Variants in B4GALT4 observed in about 807,000 individuals in gnomAD.
B4GALT4 encodes the protein beta-1,4-galactosyltransferase 4.
Under a neutral mutation model 37.3 loss-of-function variants are expected in B4GALT4, and 27 were observed. That is an observed-to-expected ratio of 0.72 (90% CI 0.53 to 1.00). The LOEUF (loss-of-function observed/expected upper bound fraction) is 1.00, where lower values mean the gene tolerates loss of function less well. Ranked by LOEUF, B4GALT4 falls within the 50% of genes least tolerant of loss-of-function variation. B4GALT4 has a pLI of 0.00. For synonymous variants in B4GALT4, 148 were observed against 154.1 expected, an observed-to-expected ratio of 0.96 and a Z score of 0.29; for missense variants, 372 against 413.1, an observed-to-expected ratio of 0.90 and a Z score of 0.86.
intron 1 of B4GALT4, among the ~76,000 whole-genome samples, chr3:119,238,183 C>G (rs549121808): frequency 3.0e-4 from 46 of 151,374 alleles, no homozygotes; most frequent in Non-Finnish European, 4.0e-4. Context: ...AGGAGGATCA[C>G]CTGAACCCGG....
chr3:119,238,264 A>T (rs975654108), intron 1 of B4GALT4, among the ~76,000 whole-genome samples: 1 of 37,456 alleles, frequency 2.7e-5, no homozygotes, highest in African/African-American at 6.7e-5. Flanking sequence ...CCCTGTCTCT[A>T]AAAAAAAAAA....
At chr3:119,214,136 A>C (rs2107454963) in intron 7 of B4GALT4, 1 of 152,310 alleles carries the variant, frequency 6.6e-6, no homozygotes, top group South Asian at 2.1e-4. Context: ...CTGAGCTTGG[A>C]GGATTGCTTG....
At chr3:119,237,606 C>T (rs186160592) in intron 1 of B4GALT4, among the ~76,000 whole-genome samples, 61 of 152,268 alleles carry the variant, frequency 4.0e-4, no homozygotes, top group Middle Eastern at 3.4e-3. Flanking sequence ...AGTTTGAGAA[C>T]CACTGATATA....
At chr3:119,217,765 C>G (rs2078331588) in intron 6 of B4GALT4, among the ~76,000 whole-genome samples, 1 of 148,816 alleles carries the variant, frequency 6.7e-6, no homozygotes, top group Non-Finnish European at 1.5e-5. Context: ...ATCACTCAAA[C>G]CCGGGAGGCA....
intron 5 of B4GALT4, among the ~76,000 whole-genome samples, chr3:119,219,984 T>C (rs2078402605): frequency 6.6e-6 from 1 of 151,520 alleles, no homozygotes. Context: ...CCAAAAGGAG[T>C]GATCAATAAA....
rs760493860 is a variant in B4GALT4 at position 119,212,690 on chromosome 3, A to G, written c.903-9T>C. On this transcript the variant is annotated splice_polypyrimidine_tract_variant and intron_variant, in intron 7 of 7. Coordinates refer to ENST00000393765, the MANE Select transcript of B4GALT4 (RefSeq NM_003778.4). ...GGTGTAAGAGCTTCATCCTAAAGATAAAAAGAACAAATGTGAATGATAAGA... is the reference window on the plus strand; with the variant it reads ...GGTGTAAGAGCTTCATCCTAAAGATGAAAAGAACAAATGTGAATGATAAGA... The G allele has an allele frequency of 2.4e-5, 38 of 1,582,190 alleles. No individual in the cohort carries two copies. The East Asian group carries it at 8.1e-4, about 34-fold the overall frequency.
In B4GALT4 at chr3:119,230,052, C is replaced by T. The variant is rs898744501; in HGVS notation, c.48G>A (p.Leu16=). ...CTGTCAGGCACAAAGTCAACAGCAACAGTAATCGGAATTTGTAGGAAAGGT... is the reference window on the plus strand; with the variant it reads ...CTGTCAGGCACAAAGTCAACAGCAATAGTAATCGGAATTTGTAGGAAAGGT... The part of the protein sequence containing the change: ...TFHLSYKFRL[L]LLLTLCLTVV... The change falls in exon 3 of 8, where the codon CTG becomes CTA. Residue 16 remains leucine (L), a synonymous_variant. Transcript: ENST00000393765. 1 of 1,614,016 alleles carries T rather than the reference C, an allele frequency of 6.2e-7. No homozygotes were observed. The highest frequency in any genetic ancestry group is 1.3e-5 in the African/African-American group (1 of 74,896).
At chr3:119,216,386 A>T (rs1189360191) in intron 6 of B4GALT4, 42 bp from the exon 7 acceptor site, 1 of 1,521,576 alleles carries the variant, frequency 6.6e-7, no homozygotes, top group East Asian at 2.3e-5. Context: ...CATCCTATTT[A>T]TCTACCACTA....
chr3:119,212,422 A>G lies in B4GALT4; in HGVS notation c.*127T>C. 1.0e-6 allele frequency: 1 copy of G among 985,224 alleles called. No individual in the cohort carries two copies. Among genetic ancestry groups the G allele is most frequent in the Non-Finnish European group, 1.5e-6 (1 of 673,050 alleles). The allele number at this position is 985,224 out of a possible 1,614,324, so 61.0% of individuals were successfully genotyped here. On this transcript the variant is annotated 3_prime_UTR_variant, in exon 8 of 8. Transcript: ENST00000393765. ...AGGAGCTCTGCTAAGAAAATACAAA[A>G]AGGAAAAATTCAGCTCAACAATGAG...
intron 5 of B4GALT4, among the ~76,000 whole-genome samples, chr3:119,223,322 C>G (rs1470221089): frequency 6.6e-6 from 1 of 152,232 alleles, no homozygotes; most frequent in Non-Finnish European, 1.5e-5. Context: ...CACCCATGAA[C>G]AGCAGGGCCT....
At chr3:119,229,056 T>C (rs910926566) in intron 3 of B4GALT4, among the ~76,000 whole-genome samples, 3 of 152,202 alleles carry the variant, frequency 2.0e-5, no homozygotes, top group Admixed American at 1.3e-4. Context: ...ACATACAACA[T>C]ATTTAAGAAA....
chr3:119,219,066 G>C (rs1374390509), intron 5 of B4GALT4, among the ~76,000 whole-genome samples: 5 of 152,274 alleles, frequency 3.3e-5, no homozygotes, highest in African/African-American at 1.2e-4. Context: ...CACACCATCA[G>C]ATATTGATAA....
intron 3 of B4GALT4, among the ~76,000 whole-genome samples, chr3:119,228,903 T>C (rs1305863828): frequency 6.6e-6 from 1 of 152,140 alleles, no homozygotes; most frequent in Non-Finnish European, 1.5e-5. Flanking sequence ...CCCCTGCATG[T>C]ATGTGTGTGC....
At chr3:119,228,589 A>G (rs2078700169) in intron 3 of B4GALT4, among the ~76,000 whole-genome samples, 1 of 152,258 alleles carries the variant, frequency 6.6e-6, no homozygotes, top group South Asian at 2.1e-4. Flanking sequence ...CTGTGAAGGA[A>G]TACACAATCA....
intron 2 of B4GALT4, among the ~76,000 whole-genome samples, chr3:119,233,875 G>T (rs2078900289): frequency 6.6e-6 from 1 of 152,236 alleles, no homozygotes; most frequent in African/African-American, 2.4e-5. Context: ...GCATAAGGAA[G>T]TTCAGAAGTA....
Position 119,212,349 on chromosome 3 carries a change from T to C in B4GALT4, c.*200A>G, listed in dbSNP as rs2078181435. The C allele has an allele frequency of 3.1e-6, 2 of 642,920 alleles. No homozygotes were observed. The highest frequency in any genetic ancestry group is 5.4e-5 in the East Asian group (2 of 36,834). 39.8% of individuals were successfully genotyped at this position (642,920 alleles called of 1,614,324 possible). A position where few individuals can be genotyped will look rare whatever the true frequency, so the allele number is the denominator to read the frequency against. ...CAATATTTAACCCTCATGATCAAAA[T>C]GACTAAGAAAGCTGTCTTGTTACAA... On this transcript the variant is annotated 3_prime_UTR_variant, in exon 8 of 8. Coordinates refer to ENST00000393765, the MANE Select transcript of B4GALT4 (RefSeq NM_003778.4).
intron 5 of B4GALT4, among the ~76,000 whole-genome samples, chr3:119,221,068 TTTC>T (rs1032621656): frequency 1.3e-4 from 20 of 152,318 alleles, no homozygotes; most frequent in African/African-American, 4.8e-4. Flanking sequence ...GCTTTTGGCT[TTTC>T]TTCTTACCTG....
intron 6 of B4GALT4, 28 bp downstream of exon 6, chr3:119,218,622 G>A (rs369463561): frequency 7.8e-5 from 126 of 1,613,758 alleles, no homozygotes; most frequent in Middle Eastern, 1.7e-4. Flanking sequence ...GCAGAGCCCC[G>A]TGAAGGGGAC....
chr3:119,221,468 G>A (rs1401692695), intron 5 of B4GALT4, among the ~76,000 whole-genome samples: 1 of 152,216 alleles, frequency 6.6e-6, no homozygotes, highest in South Asian at 2.1e-4. Flanking sequence ...TTGCCAGCAC[G>A]GGGCAGACAC....
Sources: gnomAD v4.1 joint callset for allele counts (sites outside exome capture counted in the v4.1 genomes callset) on GRCh38, gnomAD v4.1.1 for gene constraint, MANE v1.5 for transcripts, NCBI Gene and HGNC (gene_info 2026-07-23, HGNC 2026-07-21) for gene names.